The following SPMIP1 variants were observed in gnomAD, a reference collection of about 807,000 sequenced individuals.
The protein encoded by SPMIP1 is sperm microtubule inner protein 1, also known as protein SPMIP1.
chr7:128,868,860 C>T, the SPMIP1 span: 1 of 834,128 alleles, frequency 1.2e-6, no homozygotes, highest in Non-Finnish European at 1.9e-6. Flanking sequence ...TGTCTGTGCC[C>T]CTCTGCTCTC....
the SPMIP1 span, chr7:128,871,392 G>A: frequency 6.6e-6 from 1 of 152,190 alleles, no homozygotes; most frequent in African/African-American, 2.4e-5. Context: ...AACCCGCTCT[G>A]GGCGTCTTAC....
At chr7:128,868,124 G>A in the SPMIP1 span, among the ~76,000 whole-genome samples, 5 of 152,246 alleles carry the variant, frequency 3.3e-5, no homozygotes, top group Non-Finnish European at 5.9e-5. Flanking sequence ...GGGCTGCTGG[G>A]CGATGTTGCT....
the SPMIP1 span, chr7:128,868,758 C>G: frequency 2.0e-6 from 3 of 1,534,920 alleles, no homozygotes; most frequent in East Asian, 4.9e-5. Context: ...GCTTGATCCC[C>G]GAGACCTGGC....
chr7:128,866,648 C>T, the SPMIP1 span: 1 of 1,535,586 alleles, frequency 6.5e-7, no homozygotes, highest in African/African-American at 1.4e-5. Flanking sequence ...AGCCCTGTCC[C>T]AGAGGCGCCT....
At chr7:128,866,950 G>C in the SPMIP1 span, 2 of 994,744 alleles carry the variant, frequency 2.0e-6, no homozygotes, top group African/African-American at 3.3e-5. Context: ...AAGAAGTGTC[G>C]ACACGTTCCA....
the SPMIP1 span, chr7:128,866,596 T>TCCCCCCCCCC: frequency 3.2e-6 from 4 of 1,240,062 alleles, no homozygotes; most frequent in South Asian, 2.6e-5. Context: ...AGCCCCACTC[T>TCCCCCCCCCC]CACCCCCACC....
At chr7:128,869,259 C>T in the SPMIP1 span, 2 of 185,786 alleles carry the variant, frequency 1.1e-5, no homozygotes, top group East Asian at 1.2e-4. Context: ...GTCCTCCTGG[C>T]GGTGCGGAGC....
At chr7:128,867,957 C>A in the SPMIP1 span, among the ~76,000 whole-genome samples, 1 of 151,918 alleles carries the variant, frequency 6.6e-6, no homozygotes, top group Non-Finnish European at 1.5e-5. Flanking sequence ...TGAGCCAGAG[C>A]GGGTAGGGGA....
At chr7:128,868,877 C>T in the SPMIP1 span, 1 of 732,370 alleles carries the variant, frequency 1.4e-6, no homozygotes. Flanking sequence ...TCTCCCTGTC[C>T]CTGAGGTTGC....
chr7:128,869,395 G>T, the SPMIP1 span: 1 of 152,954 alleles, frequency 6.5e-6, no homozygotes, highest in African/African-American at 2.4e-5. Context: ...CGCTAAGCTC[G>T]GCCCCTGCCC....
At chr7:128,868,858 C>A in the SPMIP1 span, 1 of 855,384 alleles carries the variant, frequency 1.2e-6, no homozygotes, top group South Asian at 1.7e-5. Flanking sequence ...TGTGTCTGTG[C>A]CCCTCTGCTC....
the SPMIP1 span, chr7:128,869,151 C>A: frequency 2.8e-6 from 1 of 359,220 alleles, no homozygotes; most frequent in Non-Finnish European, 5.0e-6. Context: ...CCCCTCCTTG[C>A]CCGCCCCTCA....
At chr7:128,869,099 C>G in the SPMIP1 span, 1 of 395,306 alleles carries the variant, frequency 2.5e-6, no homozygotes, top group African/African-American at 2.1e-5. Flanking sequence ...AGCGGCTTGT[C>G]ATTTCGGAGG....
chr7:128,868,317 T>C, the SPMIP1 span, among the ~76,000 whole-genome samples: 9 of 152,094 alleles, frequency 5.9e-5, no homozygotes, highest in African/African-American at 1.9e-4. Flanking sequence ...GAAATAACTT[T>C]CTAACAAAAG....
At chr7:128,869,102 T>C in the SPMIP1 span, 1 of 394,000 alleles carries the variant, frequency 2.5e-6, no homozygotes, top group African/African-American at 2.1e-5. Context: ...GGCTTGTCAT[T>C]TCGGAGGCCA....
chr7:128,866,363 C>G, the SPMIP1 span: 1 of 1,435,312 alleles, frequency 7.0e-7, no homozygotes. Flanking sequence ...TTGCTGTGCT[C>G]ACCCCTCAGC....
At chr7:128,867,728 C>T in the SPMIP1 span, among the ~76,000 whole-genome samples, 312 of 152,242 alleles carry the variant, frequency 2.0e-3, 1 homozygote, top group Admixed American at 5.2e-3. Context: ...TGTGTCACCA[C>T]GCCCAGCTAA....
At chr7:128,868,292 A>G in the SPMIP1 span, among the ~76,000 whole-genome samples, 1 of 152,188 alleles carries the variant, frequency 6.6e-6, no homozygotes, top group African/African-American at 2.4e-5. Flanking sequence ...CCAGGCCCCT[A>G]AAGGGGAAGT....
chr7:128,868,815 T>C, the SPMIP1 span: 1 of 1,388,190 alleles, frequency 7.2e-7, no homozygotes, highest in Admixed American at 2.2e-5. Flanking sequence ...GAAGAAGAAA[T>C]AACAGGCCTC....
Sources: allele counts gnomAD v4.1 joint callset (sites outside exome capture counted in the v4.1 genomes callset), GRCh38; gene constraint gnomAD v4.1.1; transcripts MANE v1.5; gene names NCBI Gene and HGNC (gene_info 2026-07-23, HGNC 2026-07-21).